Variants in RHOJ observed in about 807,000 individuals in gnomAD.
RHOJ encodes ras homolog family member J, also known as rho-related GTP-binding protein RhoJ.
RHOJ carries 11 observed loss-of-function variants against 23.4 expected under a neutral mutation model. The observed-to-expected ratio is 0.47, with a 90% confidence interval of 0.30 to 0.78. The LOEUF (loss-of-function observed/expected upper bound fraction) is 0.78, where lower values mean the gene tolerates loss of function less well. Among genes scored for constraint, RHOJ ranks in the 30% least tolerant of loss-of-function variants. The probability of loss-of-function intolerance (pLI) is 0.08; values close to 1 mark genes in which losing one functional copy is unlikely to be tolerated. For synonymous variants in RHOJ, 102 were observed against 102.7 expected (o/e 0.99, Z 0.04); for missense variants, 254 against 273.4 (o/e 0.93, Z 0.50).
rs1435585171 is a variant in RHOJ at position 63,292,028 on chromosome 14, TA to T, written c.*1006del. On this transcript the variant is annotated 3_prime_UTR_variant, in exon 5 of 5. Coordinates refer to ENST00000316754, the MANE Select transcript of RHOJ (RefSeq NM_020663.5). ...CGGATCCTTTTATTCTCCCCAGTTA[TA>T]ACCCAGTTATAAAAGAAAGATCTGA... The T allele has an allele frequency of 1.1e-4, 17 of 152,192 alleles. No individual in the cohort carries two copies. Among genetic ancestry groups the T allele is most frequent in the Admixed American group, 1.1e-3 (17 of 15,278 alleles). The allele number at this position is 152,192 out of a possible 1,614,324, so 9.4% of individuals were successfully genotyped here.
intron 1 of RHOJ, among the ~76,000 whole-genome samples, chr14:63,227,672 G>C (rs1234031524): frequency 6.6e-6 from 1 of 152,172 alleles, no homozygotes; most frequent in African/African-American, 2.4e-5. Flanking sequence ...GTACTTTATA[G>C]AAAGTCAAAA....
chr14:63,264,981 GTTTGTTTTGT>G (rs1170027236), intron 1 of RHOJ, among the ~76,000 whole-genome samples: 1 of 152,156 alleles, frequency 6.6e-6, no homozygotes, highest in Non-Finnish European at 1.5e-5. Flanking sequence ...TCTGTTGATA[GTTTGTTTTGT>G]TTTGTTTTTG....
At chr14:63,217,132 A>G (rs1293564864) in intron 1 of RHOJ, among the ~76,000 whole-genome samples, 2 of 148,570 alleles carry the variant, frequency 1.3e-5, no homozygotes, top group African/African-American at 2.5e-5. Context: ...ACATGTGCAC[A>G]TTGTGCAGGT....
chr14:63,237,914 T>C (rs913887880), intron 1 of RHOJ, among the ~76,000 whole-genome samples: 2 of 152,156 alleles, frequency 1.3e-5, no homozygotes, highest in African/African-American at 4.8e-5. Flanking sequence ...GTGAGATAAA[T>C]TTTTCTTGCC....
chr14:63,234,397 A>C (rs1477920729), intron 1 of RHOJ, among the ~76,000 whole-genome samples: 3 of 152,198 alleles, frequency 2.0e-5, no homozygotes, highest in African/African-American at 7.2e-5. Context: ...CCCTGCTCCT[A>C]ATATACTGCC....
rs145234286 is a variant in RHOJ, at chr14:63,275,042, C to A, written c.237+5874C>A. Among the ~76,000 whole-genome samples the A allele has an allele frequency of 3.4e-4, 52 of 152,316 alleles. No individual in the cohort carries two copies. The East Asian group carries it at 9.8e-3, about 29-fold the overall frequency. On this transcript the variant is annotated intron_variant, in intron 2 of 4. Transcript: ENST00000316754. ...AGTGTGGCCCCTGGACCCAGTAGCA[C>A]TAGCATCACCTGGACATTTGCTAGA...
At chr14:63,222,394 C>T (rs999750938) in intron 1 of RHOJ, among the ~76,000 whole-genome samples, 4 of 152,142 alleles carry the variant, frequency 2.6e-5, no homozygotes, top group African/African-American at 7.2e-5. Context: ...CCTGAGGAAT[C>T]GCCACACTGT....
intron 2 of RHOJ, among the ~76,000 whole-genome samples, chr14:63,278,137 G>GT (rs1228662869): frequency 5.7e-4 from 86 of 151,640 alleles, no homozygotes; most frequent in African/African-American, 2.0e-3. Context: ...CAATAGTGGG[G>GT]GTTTTTTTTG....
chr14:63,208,715 T>C (rs1272546746), intron 1 of RHOJ, among the ~76,000 whole-genome samples: 1 of 152,122 alleles, frequency 6.6e-6, no homozygotes, highest in African/African-American at 2.4e-5. Flanking sequence ...AGTCCCTGGG[T>C]CCTCTTCTTT....
chr14:63,266,373 A>G (rs1026406889), intron 1 of RHOJ, among the ~76,000 whole-genome samples: 2 of 152,146 alleles, frequency 1.3e-5, no homozygotes, highest in South Asian at 2.1e-4. Context: ...CCCGCTTCCC[A>G]TCATAGCCTG....
chr14:63,263,472 C>T (rs1194718117), intron 1 of RHOJ, among the ~76,000 whole-genome samples: 1 of 152,166 alleles, frequency 6.6e-6, no homozygotes, highest in Non-Finnish European at 1.5e-5. Flanking sequence ...CCTTGACATC[C>T]TCTGGCATAA....
intron 2 of RHOJ, among the ~76,000 whole-genome samples, chr14:63,273,321 G>A (rs1895504915): frequency 1.3e-5 from 2 of 152,196 alleles, no homozygotes; most frequent in South Asian, 4.1e-4. Flanking sequence ...ATCTATTTAG[G>A]TTGTGCCAAC....
intron 1 of RHOJ, among the ~76,000 whole-genome samples, chr14:63,214,867 G>T (rs546673959): frequency 1.3e-5 from 2 of 152,028 alleles, no homozygotes; most frequent in African/African-American, 4.8e-5. Flanking sequence ...GAATCACTCC[G>T]CAAATGAAAA....
At chr14:63,232,662 C>G (rs980142288) in intron 1 of RHOJ, among the ~76,000 whole-genome samples, 3 of 149,632 alleles carry the variant, frequency 2.0e-5, no homozygotes, top group African/African-American at 7.4e-5. Context: ...TTATACCATA[C>G]AATTCATCCA....
chr14:63,243,275 C>G (rs1894916377), intron 1 of RHOJ, among the ~76,000 whole-genome samples: 1 of 152,120 alleles, frequency 6.6e-6, no homozygotes, highest in African/African-American at 2.4e-5. Flanking sequence ...AGTGAAGAAC[C>G]AAAACTAGCT....
At chr14:63,207,620 A>G (rs529807619) in intron 1 of RHOJ, among the ~76,000 whole-genome samples, 25 of 152,320 alleles carry the variant, frequency 1.6e-4, no homozygotes, top group Non-Finnish European at 3.1e-4. Flanking sequence ...ACTTTTTACT[A>G]ATAACTGCCC....
At chr14:63,238,777 A>C (rs1894834056) in intron 1 of RHOJ, among the ~76,000 whole-genome samples, 1 of 152,136 alleles carries the variant, frequency 6.6e-6, no homozygotes, top group Admixed American at 6.5e-5. Context: ...GAGCTTATGG[A>C]GCCCTGTTCA....
intron 4 of RHOJ, among the ~76,000 whole-genome samples, chr14:63,283,798 G>A (rs930766108): frequency 6.6e-6 from 1 of 152,208 alleles, no homozygotes; most frequent in Non-Finnish European, 1.5e-5. Context: ...CTCAGAGCTG[G>A]AACTGTTTTC....
chr14:63,242,384 T>G (rs749745887), intron 1 of RHOJ, among the ~76,000 whole-genome samples: 3 of 152,140 alleles, frequency 2.0e-5, no homozygotes, highest in Admixed American at 2.0e-4. Flanking sequence ...CCATGTAACA[T>G]AGCAAGACCT....
Sources: allele counts gnomAD v4.1 joint callset (sites outside exome capture counted in the v4.1 genomes callset), GRCh38; gene constraint gnomAD v4.1.1; transcripts MANE v1.5; gene names NCBI Gene and HGNC (gene_info 2026-07-23, HGNC 2026-07-21).